PTP4A1: variants seen among roughly 807,000 people sequenced by gnomAD.
PTP4A1 encodes protein tyrosine phosphatase type IVA 1.
A neutral mutation model predicts 20.5 loss-of-function variants in PTP4A1; 9 were observed. The ratio of observed to expected loss-of-function variants is 0.44; its 90% CI spans 0.26 to 0.77. The LOEUF (loss-of-function observed/expected upper bound fraction) is 0.77. Among genes scored for constraint, PTP4A1 ranks in the 30% least tolerant of loss-of-function variants. PTP4A1 has a pLI of 0.19. For missense variants in PTP4A1, 137 were observed against 218.8 expected (o/e 0.63, Z 2.36); for synonymous variants, 78 against 67.4 (o/e 1.16, Z -0.77).
chr6:63,551,382 G>T (rs1028826936), intron 3 of PTP4A1, among the ~76,000 whole-genome samples: 6 of 151,978 alleles, frequency 3.9e-5, no homozygotes, highest in South Asian at 2.1e-4. Flanking sequence ...GGTAATTTGG[G>T]CAACAACAAC....
chr6:63,539,130 G>T (rs757640422), intron 2 of PTP4A1, among the ~76,000 whole-genome samples: 1 of 152,044 alleles, frequency 6.6e-6, no homozygotes, highest in Non-Finnish European at 1.5e-5. Context: ...CTGACCTAAG[G>T]TGGTCCACCC....
chr6:63,531,157 G>A (rs1022920473), intron 2 of PTP4A1, among the ~76,000 whole-genome samples: 2 of 152,120 alleles, frequency 1.3e-5, no homozygotes, highest in Non-Finnish European at 2.9e-5. Context: ...TCTTGAGTTG[G>A]TGTCCATCAA....
At chr6:63,571,647 T>C (rs1342837759), upstream of PTP4A1, 2 of 152,228 alleles carry the variant, frequency 1.3e-5, no homozygotes, top group Non-Finnish European at 2.9e-5. Context: ...AACCTTTCAT[T>C]ATCTGAGACA....
chr6:63,552,260 T>G (rs376980672), intron 3 of PTP4A1, among the ~76,000 whole-genome samples: 37 of 152,220 alleles, frequency 2.4e-4, no homozygotes, highest in East Asian at 1.5e-3. Context: ...TTGTGGTTTT[T>G]ATTTGCATTT....
chr6:63,556,770 C>G (rs1363564511), intron 3 of PTP4A1, among the ~76,000 whole-genome samples: 1 of 152,144 alleles, frequency 6.6e-6, no homozygotes, highest in African/African-American at 2.4e-5. Flanking sequence ...TTATTCTAAA[C>G]AGTAACGTAA....
intron 2 of PTP4A1, among the ~76,000 whole-genome samples, chr6:63,531,833 T>G (rs1775482599): frequency 6.8e-6 from 1 of 146,016 alleles, no homozygotes; most frequent in Admixed American, 6.8e-5. Flanking sequence ...CACATACACT[T>G]TTTTTTTTTT....
chr6:63,525,218 G>A (rs1581907452), intron 1 of PTP4A1, among the ~76,000 whole-genome samples: 1 of 151,894 alleles, frequency 6.6e-6, no homozygotes, highest in Non-Finnish European at 1.5e-5. Context: ...GGTGAATTGT[G>A]TGTCTGCAGT....
At chr6:63,535,919 T>G (rs1775701486) in intron 2 of PTP4A1, among the ~76,000 whole-genome samples, 1 of 152,174 alleles carries the variant, frequency 6.6e-6, no homozygotes, top group African/African-American at 2.4e-5. Flanking sequence ...TTTACAGGCG[T>G]GCGCCACCAT....
intron 3 of PTP4A1, among the ~76,000 whole-genome samples, chr6:63,566,951 A>G (rs1159619951): frequency 6.6e-6 from 1 of 152,224 alleles, no homozygotes; most frequent in Non-Finnish European, 1.5e-5. Flanking sequence ...ATTCTATCTC[A>G]AGAAACCACT....
intron 3 of PTP4A1, among the ~76,000 whole-genome samples, chr6:63,555,227 G>A (rs912141442): frequency 3.3e-5 from 5 of 152,130 alleles, no homozygotes; most frequent in East Asian, 1.9e-4. Flanking sequence ...AGGCTGCCCC[G>A]AGTAGAGGTA....
upstream of PTP4A1, among the ~76,000 whole-genome samples, chr6:63,519,155 A>C (rs1381072016): frequency 6.6e-6 from 1 of 152,106 alleles, no homozygotes; most frequent in African/African-American, 2.4e-5. Context: ...TAAAATACAA[A>C]AATTAGCTGG....
At chr6:63,519,617 CA>C (rs1426992345), upstream of PTP4A1, among the ~76,000 whole-genome samples, 1 of 152,088 alleles carries the variant, frequency 6.6e-6, no homozygotes, top group African/African-American at 2.4e-5. Flanking sequence ...TTTTGTGACT[CA>C]ATTACAGCCC....
At chr6:63,541,222 T>A (rs1277243267) in intron 2 of PTP4A1, among the ~76,000 whole-genome samples, 2 of 152,102 alleles carry the variant, frequency 1.3e-5, no homozygotes, top group Non-Finnish European at 2.9e-5. Flanking sequence ...AGTATCAATA[T>A]CTCCCATTGC....
chr6:63,520,999 C>T (rs139936410), upstream of PTP4A1, among the ~76,000 whole-genome samples: 2,490 of 152,102 alleles, frequency 0.016, 73 homozygotes, highest in African/African-American at 0.056. Context: ...AACCAAACAC[C>T]GCATGGTCTC....
At chr6:63,570,370 A>T (rs1777364013), upstream of PTP4A1, among the ~76,000 whole-genome samples, 1 of 152,218 alleles carries the variant, frequency 6.6e-6, no homozygotes, top group South Asian at 2.1e-4. Context: ...TTCTCTCAAC[A>T]GCAAAAGCCT....
intron 2 of PTP4A1, chr6:63,548,720 A>C: frequency 1.6e-6 from 1 of 642,252 alleles, no homozygotes; most frequent in Non-Finnish European, 2.8e-6. Flanking sequence ...AACCCAGCTT[A>C]GTTGCAAGTT....
chr6:63,542,709 G>A (rs1042627220), intron 2 of PTP4A1, among the ~76,000 whole-genome samples: 4 of 152,038 alleles, frequency 2.6e-5, no homozygotes, highest in Admixed American at 6.6e-5. Flanking sequence ...TTCCTTCACC[G>A]ACTGCTTTTT....
At chr6:63,518,312 G>A (rs1224834168), upstream of PTP4A1, among the ~76,000 whole-genome samples, 2 of 152,092 alleles carry the variant, frequency 1.3e-5, no homozygotes, top group Non-Finnish European at 2.9e-5. Flanking sequence ...TCTCTTGCTT[G>A]TATTTACTTT....
Position 63,579,276 on chromosome 6 carries a change from C to T in PTP4A1, c.349C>T (p.Leu117=), listed in dbSNP as rs1401800192. 1.2e-6 allele frequency: 2 copies of T among 1,611,292 alleles called. No individual in the cohort carries two copies. Among genetic ancestry groups the T allele is most frequent in the Admixed American group, 3.4e-5 (2 of 59,538 alleles). ...CACCAGAGCTCCAGTACTTGTTGCC[C>T]TAGCATTAATTGAAGGTGGAATGAA... ...GLGRAPVLVA[L]ALIEGGMKYE... is the part of the protein sequence containing the mutation. Residue 117 remains leucine, a synonymous_variant, in exon 5 of 6, where the codon CTA becomes TTA. Transcript: ENST00000626021.
Sources: allele counts gnomAD v4.1 joint callset (sites outside exome capture counted in the v4.1 genomes callset), GRCh38; gene constraint gnomAD v4.1.1; transcripts MANE v1.5; gene names NCBI Gene and HGNC (gene_info 2026-07-23, HGNC 2026-07-21).